The following SLC23A2 variants were observed in gnomAD, a reference collection of about 807,000 sequenced individuals.
The protein encoded by SLC23A2 is solute carrier family 23 member 2, also known as Na(+)/L-ascorbic acid transporter 2.
SLC23A2 carries 36 observed loss-of-function variants against 73.3 expected under a neutral mutation model. That is an observed-to-expected ratio of 0.49 (90% CI 0.38 to 0.65). The LOEUF (loss-of-function observed/expected upper bound fraction) is 0.65, where lower values mean the gene tolerates loss of function less well. Among genes scored for constraint, SLC23A2 ranks in the 30% least tolerant of loss-of-function variants. The pLI, the probability that SLC23A2 is intolerant of heterozygous loss-of-function variation, is 0.00. For synonymous variants in SLC23A2, 343 were observed against 327.3 expected (o/e 1.05, Z -0.52); for missense variants, 507 against 841.6 (o/e 0.60, Z 4.92).
intron 2 of SLC23A2, among the ~76,000 whole-genome samples, chr20:4,935,595 G>GTT (rs1568631931): frequency 2.8e-4 from 43 of 152,192 alleles, no homozygotes; most frequent in African/African-American, 9.6e-4. Flanking sequence ...TCAGGAGATC[G>GTT]AGACCATCCT....
intron 6 of SLC23A2, among the ~76,000 whole-genome samples, chr20:4,896,982 G>C (rs1931552055): frequency 6.6e-6 from 1 of 152,156 alleles, no homozygotes; most frequent in Non-Finnish European, 1.5e-5. Flanking sequence ...GAGCCTGCAG[G>C]GCCTGTCTCA....
chr20:4,890,334 A>G (rs1931282953), intron 6 of SLC23A2, among the ~76,000 whole-genome samples: 1 of 152,152 alleles, frequency 6.6e-6, no homozygotes, highest in South Asian at 2.1e-4. Flanking sequence ...ATCTACCACT[A>G]GGAGTGTGTG....
intron 1 of SLC23A2, among the ~76,000 whole-genome samples, chr20:4,992,481 G>A (rs879418899): frequency 1.0e-4 from 15 of 146,966 alleles, no homozygotes; most frequent in Non-Finnish European, 1.5e-4. Flanking sequence ...ACAAAGCCAT[G>A]GGAAATAAAA....
chr20:4,974,961 A>C (rs974052236), intron 1 of SLC23A2, among the ~76,000 whole-genome samples: 1 of 151,904 alleles, frequency 6.6e-6, no homozygotes, highest in Non-Finnish European at 1.5e-5. Flanking sequence ...TAATTTTTGT[A>C]TTTTTAGTAG....
At chr20:4,928,913 C>A (rs1370546325) in intron 3 of SLC23A2, among the ~76,000 whole-genome samples, 1 of 152,058 alleles carries the variant, frequency 6.6e-6, no homozygotes, top group Non-Finnish European at 1.5e-5. Flanking sequence ...GAGGGAAAAA[C>A]CTCAAAATAG....
At chr20:4,956,008 G>A (rs576845621) in intron 2 of SLC23A2, among the ~76,000 whole-genome samples, 12 of 152,184 alleles carry the variant, frequency 7.9e-5, no homozygotes, top group African/African-American at 2.9e-4. Flanking sequence ...TTCTTAGTAT[G>A]TATGTATGGT....
At chr20:4,979,107 A>T (rs1057086911) in intron 1 of SLC23A2, among the ~76,000 whole-genome samples, 1 of 152,144 alleles carries the variant, frequency 6.6e-6, no homozygotes, top group African/African-American at 2.4e-5. Context: ...AGCCTGGCCA[A>T]CATGGCAAAA....
intron 2 of SLC23A2, among the ~76,000 whole-genome samples, chr20:4,937,869 C>G (rs528633354): frequency 6.6e-6 from 1 of 152,186 alleles, no homozygotes; most frequent in South Asian, 2.1e-4. Context: ...GGGCAGGAAT[C>G]ACCTTCAAGC....
chr20:4,948,818 C>T (rs1461029499), intron 2 of SLC23A2, among the ~76,000 whole-genome samples: 1 of 152,136 alleles, frequency 6.6e-6, no homozygotes, highest in Non-Finnish European at 1.5e-5. Context: ...AGATGTCTTG[C>T]TTTTTTCTGG....
rs528591132 is a variant in SLC23A2, at chr20:4,891,811, G to A, written c.483-5902C>T. Among the ~76,000 whole-genome samples the A allele has an allele frequency of 4.9e-4, 75 of 152,282 alleles. 1 individual carries two copies. In the East Asian group the frequency reaches 9.1e-3, roughly 18 times the overall value. On this transcript the variant is annotated intron_variant, in intron 6 of 16. Transcript: ENST00000338244. ...GTCACTCAGGCTGGAGTGTAGTGGC[G>A]CAAATCACAGCTCACTGTAGCCTTG...
chr20:4,857,317 CACA>C lies in SLC23A2; in HGVS notation c.1721-116_1721-114del. 1 of 587,656 alleles carries C rather than the reference CACA, an allele frequency of 1.7e-6. No homozygotes were observed. Among genetic ancestry groups the C allele is most frequent in the South Asian group, 2.1e-5 (1 of 46,794 alleles). 36.4% of individuals were successfully genotyped at this position (587,656 alleles called of 1,614,324 possible). ...ACACACACACACACACACACACACA[CACA>C]CACACACACACACACATGGTCCCAC... On this transcript the variant is annotated intron_variant, in intron 16 of 16. Coordinates refer to ENST00000338244, the MANE Select transcript of SLC23A2 (RefSeq NM_005116.6). This position sits in a 1 kb window ranked among gnomAD's most constrained non-coding sequence, Gnocchi z 4.0.
In SLC23A2 at chr20:4,964,763, G is replaced by A. The variant is rs149838057; in HGVS notation, c.-155+6030C>T. 4.2e-4 allele frequency among the ~76,000 whole-genome samples: 64 copies of A among 150,792 alleles called. No homozygotes were observed. The East Asian group carries it at 0.011, about 25-fold the overall frequency. On this transcript the variant is annotated intron_variant, in intron 2 of 16. Coordinates refer to ENST00000338244, the MANE Select transcript of SLC23A2 (RefSeq NM_005116.6). ...TGAGGCAGGAGGATCCCCTGCACCC[G>A]GGAGGTAGAGTTGCAGTGAGATCGC...
chr20:4,896,203 C>T (rs933129307), intron 6 of SLC23A2, among the ~76,000 whole-genome samples: 4 of 152,156 alleles, frequency 2.6e-5, no homozygotes, highest in African/African-American at 7.2e-5. Flanking sequence ...CGGCCTCTCT[C>T]GTTGCCTCAG....
rs984229571 is a variant in SLC23A2, at chr20:4,932,720, G to C, written c.-154-4C>G. The C allele has an allele frequency of 2.5e-5, 15 of 592,384 alleles. No individual in the cohort carries two copies. Among genetic ancestry groups the C allele is most frequent in the Non-Finnish European group, 3.9e-5 (13 of 332,692 alleles). 36.7% of individuals were successfully genotyped at this position (592,384 alleles called of 1,614,324 possible). A position where few individuals can be genotyped will look rare whatever the true frequency, so the allele number is the denominator to read the frequency against. On this transcript the variant is annotated splice_region_variant and splice_polypyrimidine_tract_variant and intron_variant, in intron 2 of 16. Coordinates refer to ENST00000338244, the MANE Select transcript of SLC23A2 (RefSeq NM_005116.6). ...TGCAAACGGCATCTCTTAGCACCTAGAAAAGAAGAGCACAGCCAAATCACC... is the reference window on the plus strand; with the variant it reads ...TGCAAACGGCATCTCTTAGCACCTACAAAAGAAGAGCACAGCCAAATCACC...
At chr20:4,887,994 A>C (rs1326339499) in intron 6 of SLC23A2, among the ~76,000 whole-genome samples, 1 of 152,164 alleles carries the variant, frequency 6.6e-6, no homozygotes, top group Non-Finnish European at 1.5e-5. Context: ...GCCCAGTGTG[A>C]AGACGGTCAA....
At chr20:4,893,150 A>C (rs1423766776) in intron 6 of SLC23A2, among the ~76,000 whole-genome samples, 1 of 151,230 alleles carries the variant, frequency 6.6e-6, no homozygotes, top group Non-Finnish European at 1.5e-5. Flanking sequence ...GTGAAGCCTC[A>C]TCTCCTGGGC....
intron 2 of SLC23A2, among the ~76,000 whole-genome samples, chr20:4,961,090 CTT>C (rs575903187): frequency 7.0e-6 from 1 of 143,556 alleles, no homozygotes; most frequent in Admixed American, 7.0e-5. Context: ...ATTACACATC[CTT>C]TTTTTTTTTT....
At chr20:5,003,723 T>C (rs1233479293), upstream of SLC23A2, among the ~76,000 whole-genome samples, 6 of 151,916 alleles carry the variant, frequency 3.9e-5, no homozygotes, top group Admixed American at 3.3e-4. Flanking sequence ...AAACCTTCCA[T>C]AGTCCCAGTC....
intron 2 of SLC23A2, among the ~76,000 whole-genome samples, chr20:4,954,570 C>T (rs888440320): frequency 4.0e-5 from 6 of 151,680 alleles, no homozygotes; most frequent in African/African-American, 9.7e-5. Context: ...TGGTGGCGGG[C>T]GCCTGTAGTC....
Sources: allele counts gnomAD v4.1 joint callset (sites outside exome capture counted in the v4.1 genomes callset), GRCh38; gene constraint gnomAD v4.1.1; non-coding constraint Gnocchi (gnomAD v3.1); transcripts MANE v1.5; gene names NCBI Gene and HGNC (gene_info 2026-07-23, HGNC 2026-07-21).